Variants in CECR2 observed in about 807,000 individuals in gnomAD.
The protein encoded by CECR2 is CECR2 histone acetyl-lysine reader, also known as chromatin remodeling regulator CECR2.
CECR2 carries 30 observed loss-of-function variants against 154.5 expected under a neutral mutation model. The observed-to-expected ratio is 0.19, with a 90% confidence interval of 0.15 to 0.26. The LOEUF is 0.26. Among genes scored for constraint, CECR2 ranks in the 10% least tolerant of loss-of-function variants. The probability of loss-of-function intolerance (pLI) is 1.00; values close to 1 mark genes in which losing one functional copy is unlikely to be tolerated. For synonymous variants in CECR2, 725 were observed against 683.7 expected (o/e 1.06, Z -0.94); for missense variants, 1,743 against 1,829.3 (o/e 0.95, Z 0.86).
At chr22:17,538,431 T>C in intron 10 of CECR2, 89 bp from the exon 11 acceptor site, 1 of 1,131,218 alleles carries the variant, frequency 8.8e-7, no homozygotes, top group Non-Finnish European at 1.3e-6. Context: ...AAATCTTAGT[T>C]CAGTCAGGTG....
At chr22:17,421,405 G>A (rs2054245912) in intron 1 of CECR2, among the ~76,000 whole-genome samples, 1 of 151,976 alleles carries the variant, frequency 6.6e-6, no homozygotes, top group African/African-American at 2.4e-5. Context: ...CACGAGGTCA[G>A]GAGATCGAGA....
upstream of CECR2, chr22:17,369,408 G>A (rs2063027200): frequency 6.6e-6 from 1 of 150,642 alleles, no homozygotes; most frequent in Non-Finnish European, 1.5e-5. Flanking sequence ...CCCCCTCCTC[G>A]TGGGCGGCCC....
intron 8 of CECR2, among the ~76,000 whole-genome samples, chr22:17,512,460 T>TA (rs2055974635): frequency 6.6e-6 from 1 of 152,052 alleles, no homozygotes; most frequent in South Asian, 2.1e-4. Flanking sequence ...CCGAGCACTT[T>TA]AAGAGGCCAA....
intron 1 of CECR2, among the ~76,000 whole-genome samples, chr22:17,448,367 TG>T (rs1456877474): frequency 6.6e-6 from 1 of 152,252 alleles, no homozygotes; most frequent in Non-Finnish European, 1.5e-5. Flanking sequence ...ATTAAGTTTT[TG>T]TAAATATAAT....
chr22:17,550,368 C>G lies in CECR2; in HGVS notation c.4277+804C>G, dbSNP rs2056689838. On this transcript the variant is annotated intron_variant, in intron 17 of 18. Coordinates refer to ENST00000262608, the MANE Select transcript of CECR2 (RefSeq NM_001290047.2). ...CCACAGTTTGAGAGCTGTAAGCAAG[C>G]CTGTGTCAACATTGCTGCCATGTGG... 5.2e-5 allele frequency: 8 copies of G among 153,970 alleles called. 2 individuals carry two copies. The Middle Eastern group carries it at 3.6e-3, about 69-fold the overall frequency. 9.5% of individuals were successfully genotyped at this position (153,970 alleles called of 1,614,324 possible). A position where few individuals can be genotyped will look rare whatever the true frequency, so the allele number is the denominator to read the frequency against.
rs147739610 is a variant in CECR2 at position 17,417,550 on chromosome 22, C to T, written c.126+47641C>T. 3.7e-3 allele frequency among the ~76,000 whole-genome samples: 563 copies of T among 152,186 alleles called. 6 individuals carry two copies. The highest frequency in any genetic ancestry group is 0.013 in the African/African-American group (529 of 41,496). On this transcript the variant is annotated intron_variant, in intron 1 of 18. Transcript: ENST00000262608. ...CTCAGGCTGCCCTCCAACTCATAGC[C>T]TCAAGCCATTCACACGAGCAGCTGG...
In CECR2 at chr22:17,360,676, C is replaced by T. The variant is rs1218557225; in HGVS notation, c.-364+653C>T. Among the ~76,000 whole-genome samples, 7 of 139,560 alleles carry T rather than the reference C, an allele frequency of 5.0e-5. No homozygotes were observed. The East Asian group carries it at 1.3e-3, about 27-fold the overall frequency. The allele number at this position is 139,560 out of a possible 152,430, so 91.6% of individuals were successfully genotyped here. A position where few individuals can be genotyped will look rare whatever the true frequency, so the allele number is the denominator to read the frequency against. On this transcript the variant is annotated intron_variant, in intron 1 of 18. Transcript: ENST00000400585. ...TGGGCAACAAAGCTAGACTCCATCT[C>T]GGAAAAAAAAAAAAAAAATTAGTCC...
chr22:17,383,615 T>G (rs1253831361), intron 1 of CECR2, among the ~76,000 whole-genome samples: 1 of 151,374 alleles, frequency 6.6e-6, no homozygotes, highest in Non-Finnish European at 1.5e-5. Context: ...CATTCCAGTT[T>G]CATCATGAGG....
intron 1 of CECR2, among the ~76,000 whole-genome samples, chr22:17,466,598 C>CCTTT (rs555359003): frequency 5.0e-5 from 7 of 140,218 alleles, no homozygotes; most frequent in Non-Finnish European, 6.2e-5. Context: ...AAAACCTTGC[C>CCTTT]TTTTTTTTTT....
At chr22:17,456,886 TAAA>T (rs1002256534) in intron 1 of CECR2, among the ~76,000 whole-genome samples, 2 of 152,240 alleles carry the variant, frequency 1.3e-5, no homozygotes, top group Non-Finnish European at 2.9e-5. Context: ...TCTTCCATAT[TAAA>T]AAGAAAGATG....
intron 8 of CECR2, among the ~76,000 whole-genome samples, chr22:17,521,884 G>A (rs916959712): frequency 1.3e-5 from 2 of 152,138 alleles, no homozygotes; most frequent in African/African-American, 2.4e-5. Context: ...TATGGTTTTA[G>A]GTTTTACATT....
intron 1 of CECR2, among the ~76,000 whole-genome samples, chr22:17,453,088 A>G (rs1263713455): frequency 6.6e-6 from 1 of 152,220 alleles, no homozygotes; most frequent in Non-Finnish European, 1.5e-5. Context: ...ACATTGTATG[A>G]ATGAATATAC....
chr22:17,404,887 A>G lies in CECR2; in HGVS notation c.126+34978A>G, dbSNP rs546639880. On this transcript the variant is annotated intron_variant, in intron 1 of 18. Coordinates refer to ENST00000262608, the MANE Select transcript of CECR2 (RefSeq NM_001290047.2). ...TCAGTTTCTACAAAAAAAGCCTGCT[A>G]GCATTTAGATTGGAGTTGTATTGAA... Among the ~76,000 whole-genome samples the G allele has an allele frequency of 1.3e-4, 20 of 152,232 alleles. 1 individual carries two copies. The highest frequency in any genetic ancestry group is 2.6e-4 in the Non-Finnish European group (18 of 68,042).
rs61740316 is a variant in CECR2 at position 17,542,598 on chromosome 22, C to G, written c.2455C>G (p.Pro819Ala). ...MDSRVMRPPV[P>A]PNQWTEQSGF... is the part of the protein sequence containing the mutation. ...TTCCCGAGTCATGAGACCACCTGTC[C>G]CCCCCAACCAGTGGACTGAACAATC... The change falls in exon 16 of 19, where the codon CCC becomes GCC. Residue 819 changes from proline to alanine, a missense_variant. This residue lies in a region of CECR2 where 1,250 missense variants were observed against 1,192.1 expected (regional missense o/e 1.05). Coordinates refer to ENST00000262608, the MANE Select transcript of CECR2 (RefSeq NM_001290047.2). The G allele has an allele frequency of 1.2e-6, 2 of 1,613,948 alleles. No individual in the cohort carries two copies. The highest frequency in any genetic ancestry group is 1.1e-5 in the South Asian group (1 of 91,078).
chr22:17,491,311 G>A (rs775314816), intron 2 of CECR2, among the ~76,000 whole-genome samples: 14 of 152,060 alleles, frequency 9.2e-5, no homozygotes, highest in South Asian at 6.2e-4. Context: ...CCTTCCCACC[G>A]GCCGTGTGTG....
intron 1 of CECR2, among the ~76,000 whole-genome samples, chr22:17,360,204 T>C (rs1260067246): frequency 6.6e-6 from 1 of 152,258 alleles, no homozygotes; most frequent in African/African-American, 2.4e-5. Context: ...TAAAATGCGG[T>C]GATTAGTTAC....
At chr22:17,421,540 G>A (rs968377010) in intron 1 of CECR2, among the ~76,000 whole-genome samples, 10 of 148,722 alleles carry the variant, frequency 6.7e-5, no homozygotes, top group East Asian at 2.0e-4. Context: ...GCGTGAACCC[G>A]GGAGGCGGAG....
At chr22:17,497,671 T>A in intron 3 of CECR2, 85 bp downstream of exon 3, 1 of 1,356,910 alleles carries the variant, frequency 7.4e-7, no homozygotes, top group Non-Finnish European at 1.0e-6. Flanking sequence ...CCAAAGATAC[T>A]AAGCCAGAGT....
chr22:17,528,989 G>C (rs1027333307), intron 9 of CECR2, among the ~76,000 whole-genome samples: 1 of 151,936 alleles, frequency 6.6e-6, no homozygotes, highest in Admixed American at 6.6e-5. Flanking sequence ...CCAGCTACTT[G>C]GGAGGCTGTG....
Sources: allele counts gnomAD v4.1 joint callset (sites outside exome capture counted in the v4.1 genomes callset), GRCh38; gene constraint gnomAD v4.1.1; regional missense constraint gnomAD v4.1.1; transcripts MANE v1.5; gene names NCBI Gene and HGNC (gene_info 2026-07-23, HGNC 2026-07-21).